The following UMAD1 variants were observed in gnomAD, a reference collection of about 807,000 sequenced individuals.
UMAD1 encodes the protein UBAP1-MVB12-associated (UMA) domain containing 1.
Under a neutral mutation model 6.1 loss-of-function variants are expected in UMAD1, and 8 were observed. The observed-to-expected ratio is 1.30, with a 90% CI of 0.76 to 2.35. The LOEUF (loss-of-function observed/expected upper bound fraction) is 2.35, where lower values mean the gene tolerates loss of function less well. UMAD1 is among the 30% of genes most tolerant of loss of function. The probability of loss-of-function intolerance (pLI) is 0.00; values close to 1 mark genes in which losing one functional copy is unlikely to be tolerated. For missense variants in UMAD1, 130 were observed against 78.4 expected (o/e 1.66, Z -2.49); for synonymous variants, 56 against 31.4 (o/e 1.78, Z -2.61).
intron 1 of UMAD1, among the ~76,000 whole-genome samples, chr7:7,655,574 C>G (rs1207049066): frequency 6.6e-6 from 1 of 152,048 alleles, no homozygotes; most frequent in Non-Finnish European, 1.5e-5. Context: ...GCTGTTTTGG[C>G]TAAAAGTAAT....
At chr7:7,649,088 G>A (rs997235139) in intron 1 of UMAD1, among the ~76,000 whole-genome samples, 26 of 149,624 alleles carry the variant, frequency 1.7e-4, no homozygotes, top group African/African-American at 4.9e-4. Flanking sequence ...AACCCAGGAA[G>A]TGGAGATTGC....
intron 3 of UMAD1, among the ~76,000 whole-genome samples, chr7:7,836,657 G>A (rs952499780): frequency 2.0e-5 from 3 of 151,786 alleles, no homozygotes; most frequent in Non-Finnish European, 4.4e-5. Flanking sequence ...TAATGATCAT[G>A]AGAATTAAAA....
intron 2 of UMAD1, among the ~76,000 whole-genome samples, chr7:7,690,880 C>T (rs1349194204): frequency 1.1e-4 from 16 of 152,086 alleles, no homozygotes; most frequent in African/African-American, 3.9e-4. Context: ...TGACTTATAC[C>T]TGTTATGAAA....
At chr7:7,856,549 A>T (rs143480818) in intron 3 of UMAD1, among the ~76,000 whole-genome samples, 224 of 152,236 alleles carry the variant, frequency 1.5e-3, no homozygotes, top group Non-Finnish European at 2.6e-3. Flanking sequence ...ACAATTCAAG[A>T]TGAGATTTTG....
chr7:7,794,410 T>C (rs146073459), intron 2 of UMAD1, among the ~76,000 whole-genome samples: 27 of 152,284 alleles, frequency 1.8e-4, no homozygotes, highest in African/African-American at 6.3e-4. Context: ...AAGGGCGTCC[T>C]AATCGGAATC....
At chr7:7,667,702 A>G (rs954292480) in intron 1 of UMAD1, among the ~76,000 whole-genome samples, 3 of 152,242 alleles carry the variant, frequency 2.0e-5, no homozygotes, top group African/African-American at 7.2e-5. Context: ...GTAGGGACTG[A>G]CAAAGACAGA....
intron 2 of UMAD1, among the ~76,000 whole-genome samples, chr7:7,691,281 A>G (rs1482262587): frequency 6.6e-6 from 1 of 152,224 alleles, no homozygotes; most frequent in African/African-American, 2.4e-5. Flanking sequence ...TCAAGGAAAA[A>G]AACTTGTAAA....
intron 2 of UMAD1, among the ~76,000 whole-genome samples, chr7:7,763,143 A>C (rs1358428291): frequency 6.6e-6 from 1 of 152,232 alleles, no homozygotes; most frequent in Non-Finnish European, 1.5e-5. Flanking sequence ...TATTACTGTC[A>C]TAAACATAGG....
At chr7:7,650,976 T>C (rs1369954419) in intron 1 of UMAD1, among the ~76,000 whole-genome samples, 4 of 152,186 alleles carry the variant, frequency 2.6e-5, no homozygotes, top group East Asian at 1.9e-4. Flanking sequence ...AATCCCCATA[T>C]TTGCTCTCTT....
chr7:7,764,913 G>A (rs1781956139), intron 2 of UMAD1, among the ~76,000 whole-genome samples: 1 of 151,892 alleles, frequency 6.6e-6, no homozygotes, highest in Admixed American at 6.6e-5. Flanking sequence ...GTATGTACCT[G>A]CTGTATCTTA....
chr7:7,695,331 A>G (rs1563130283), intron 2 of UMAD1, among the ~76,000 whole-genome samples: 1 of 152,172 alleles, frequency 6.6e-6, no homozygotes, highest in Non-Finnish European at 1.5e-5. Flanking sequence ...CAACTTTAAG[A>G]TTTCATTTGT....
At chr7:7,716,645 A>T (rs891831072) in intron 2 of UMAD1, among the ~76,000 whole-genome samples, 1 of 152,198 alleles carries the variant, frequency 6.6e-6, no homozygotes, top group Non-Finnish European at 1.5e-5. Flanking sequence ...CTAGTAAAAG[A>T]TTAGGGTGGA....
At chr7:7,832,782 C>T (rs970070435) in intron 3 of UMAD1, among the ~76,000 whole-genome samples, 1 of 152,124 alleles carries the variant, frequency 6.6e-6, no homozygotes, top group African/African-American at 2.4e-5. Flanking sequence ...AAAGGTGCTT[C>T]TGTCTGCAAG....
intron 2 of UMAD1, among the ~76,000 whole-genome samples, chr7:7,764,292 A>G (rs2115235190): frequency 6.6e-6 from 1 of 152,356 alleles, no homozygotes; most frequent in South Asian, 2.1e-4. Flanking sequence ...AAGAATGTCC[A>G]GACCCATAGC....
At chr7:7,726,876 A>G (rs1263135387) in intron 2 of UMAD1, among the ~76,000 whole-genome samples, 1 of 152,180 alleles carries the variant, frequency 6.6e-6, no homozygotes, top group South Asian at 2.1e-4. Flanking sequence ...TCAAGATGAA[A>G]TCAGCCTAAT....
intron 2 of UMAD1, among the ~76,000 whole-genome samples, chr7:7,751,418 T>TA (rs1433438315): frequency 6.6e-6 from 1 of 152,234 alleles, no homozygotes; most frequent in Non-Finnish European, 1.5e-5. Flanking sequence ...TCTGATAAGT[T>TA]AGAGATTTTT....
chr7:7,702,455 A>G (rs1780483456), intron 2 of UMAD1, among the ~76,000 whole-genome samples: 1 of 152,196 alleles, frequency 6.6e-6, no homozygotes, highest in Non-Finnish European at 1.5e-5. Context: ...TTGGGGAGGC[A>G]GGAAACCTGG....
At chr7:7,844,196 G>GC (rs1324195081) in intron 3 of UMAD1, among the ~76,000 whole-genome samples, 1 of 152,144 alleles carries the variant, frequency 6.6e-6, no homozygotes, top group Non-Finnish European at 1.5e-5. Flanking sequence ...TACCCTGTAT[G>GC]CCGTCACTTG....
chr7:7,646,474 C>T lies in UMAD1; in HGVS notation c.-64+5653C>T, dbSNP rs947409255. On this transcript the variant is annotated intron_variant, in intron 1 of 3. Transcript: ENST00000682710. ...TGGCTTTATAAGGGGAAACCCCTTT[C>T]GCTGGATTTTTTTTTTTTTTTTTTT... 1.9e-4 allele frequency among the ~76,000 whole-genome samples: 24 copies of T among 127,508 alleles called. 1 individual carries two copies. The highest frequency in any genetic ancestry group is 3.6e-4 in the Admixed American group (4 of 11,018). 83.7% of individuals were successfully genotyped at this position (127,508 alleles called of 152,430 possible). A position where few individuals can be genotyped will look rare whatever the true frequency, so the allele number is the denominator to read the frequency against.
Sources: allele counts gnomAD v4.1 joint callset (sites outside exome capture counted in the v4.1 genomes callset), GRCh38; gene constraint gnomAD v4.1.1; transcripts MANE v1.5; gene names NCBI Gene and HGNC (gene_info 2026-07-23, HGNC 2026-07-21).